SNRPN: variants seen among roughly 807,000 people sequenced by gnomAD.
SNRPN encodes the protein small nuclear ribonucleoprotein polypeptide N.
A neutral mutation model predicts 25.2 loss-of-function variants in SNRPN; 7 were observed. The observed-to-expected ratio is 0.28, with a 90% CI of 0.16 to 0.52. The LOEUF (loss-of-function observed/expected upper bound fraction) is 0.52, where lower values mean the gene tolerates loss of function less well. SNRPN is among the 20% of genes least tolerant of loss of function. The probability of loss-of-function intolerance (pLI) is 0.96; values close to 1 mark genes in which losing one functional copy is unlikely to be tolerated. For synonymous variants in SNRPN, 124 were observed against 110.6 expected (o/e 1.12, Z -0.76); for missense variants, 196 against 322.5 (o/e 0.61, Z 3.00).
At chr15:24,925,764 C>G (rs1437031808) in intron 3 of SNRPN, among the ~76,000 whole-genome samples, 1 of 148,854 alleles carries the variant, frequency 6.7e-6, no homozygotes, top group Non-Finnish European at 1.5e-5. Flanking sequence ...TTTTTTGAGA[C>G]AGAGTCTCGC....
At chr15:24,942,160 T>A (rs1207355650) in intron 3 of SNRPN, 2 of 152,216 alleles carry the variant, frequency 1.3e-5, no homozygotes, top group Non-Finnish European at 2.9e-5. Context: ...GAACTAAGAC[T>A]GCCAGACCAG....
At chr15:24,833,389 G>T (rs1488704317) in intron 2 of SNRPN, among the ~76,000 whole-genome samples, 1 of 152,014 alleles carries the variant, frequency 6.6e-6, no homozygotes, top group Non-Finnish European at 1.5e-5. Flanking sequence ...CAGAGCCTAG[G>T]ATAATTCCTC....
intron 2 of SNRPN, among the ~76,000 whole-genome samples, chr15:24,900,819 A>G (rs2058396239): frequency 1.3e-5 from 2 of 152,172 alleles, no homozygotes; most frequent in African/African-American, 4.8e-5. Context: ...ATTGTGCTGC[A>G]GGCATGTGGC....
intron 3 of SNRPN, among the ~76,000 whole-genome samples, chr15:24,923,903 G>GTATA (rs2060194196): frequency 8.7e-6 from 1 of 114,590 alleles, no homozygotes; most frequent in African/African-American, 3.6e-5. Flanking sequence ...GTGTGTGTGT[G>GTATA]TGTGTGTGTG....
chr15:24,871,251 C>A (rs938616401), intron 1 of SNRPN, among the ~76,000 whole-genome samples: 1 of 151,868 alleles, frequency 6.6e-6, no homozygotes, highest in Non-Finnish European at 1.5e-5. Flanking sequence ...TAAAGTTATG[C>A]AGGGTTTCAA....
Position 24,866,737 on chromosome 15 carries a change from A to T in SNRPN, c.-579+10021A>T, listed in dbSNP as rs72693662. Among the ~76,000 whole-genome samples, 763 of 152,094 alleles carry T rather than the reference A, an allele frequency of 5.0e-3. 7 individuals are homozygous for T. Among genetic ancestry groups the T allele is most frequent in the Middle Eastern group, 0.01 (3 of 294 alleles). On this transcript the variant is annotated intron_variant, in intron 1 of 11. Transcript: ENST00000400097. ...CTGGTAACTACCGTTCTACATCCCC[A>T]CTTGTATGAAATCACATTTTTTAGA...
chr15:24,848,018 C>T (rs1224303553), intron 2 of SNRPN, among the ~76,000 whole-genome samples: 1 of 151,858 alleles, frequency 6.6e-6, no homozygotes, highest in East Asian at 1.9e-4. Context: ...AAACGTTTTC[C>T]ACTCTGATGG....
intron 2 of SNRPN, among the ~76,000 whole-genome samples, chr15:24,888,839 A>G (rs2030062): frequency 0.2 from 30,396 of 152,206 alleles, 3,384 homozygotes; most frequent in Non-Finnish European, 0.22. Context: ...GAGAAGCAGC[A>G]AGTAAGTTCA....
At chr15:24,872,746 CG>C (rs1333771783) in intron 1 of SNRPN, among the ~76,000 whole-genome samples, 2 of 59,292 alleles carry the variant, frequency 3.4e-5, no homozygotes, top group Admixed American at 2.5e-4. Flanking sequence ...AACTCCGTCT[CG>C]AAAAAAAAAA....
chr15:24,926,003 G>A (rs11638959), intron 3 of SNRPN, among the ~76,000 whole-genome samples: 20,045 of 152,048 alleles, frequency 0.13, 1,571 homozygotes, highest in East Asian at 0.33. Flanking sequence ...CAAAGTGCTG[G>A]GATTACAGGC....
chr15:24,835,316 T>G (rs1412249534), intron 2 of SNRPN, among the ~76,000 whole-genome samples: 1 of 151,782 alleles, frequency 6.6e-6, no homozygotes, highest in Non-Finnish European at 1.5e-5. Context: ...ATTTGCTAGC[T>G]GTAGTAAATG....
intron 2 of SNRPN, among the ~76,000 whole-genome samples, chr15:24,902,465 G>A (rs61308826): frequency 1.7e-3 from 265 of 152,178 alleles, no homozygotes; most frequent in Middle Eastern, 0.01. Flanking sequence ...ATGAACAGAT[G>A]ATGAACTATT....
intron 3 of SNRPN, among the ~76,000 whole-genome samples, chr15:24,934,999 C>T (rs903199798): frequency 2.0e-5 from 3 of 152,158 alleles, no homozygotes; most frequent in African/African-American, 7.2e-5. Flanking sequence ...GTGCCGGGTT[C>T]AGTGGCTCAC....
chr15:24,875,309 T>C (rs2055744589), intron 1 of SNRPN, among the ~76,000 whole-genome samples: 2 of 152,216 alleles, frequency 1.3e-5, no homozygotes, highest in Admixed American at 6.5e-5. Flanking sequence ...AGCTTGACTT[T>C]GTCTGTCTCC....
At chr15:24,845,069 CCTTT>C (rs1170692830) in intron 2 of SNRPN, among the ~76,000 whole-genome samples, 1 of 152,076 alleles carries the variant, frequency 6.6e-6, no homozygotes. Flanking sequence ...CAAATACTCT[CCTTT>C]CTTCAATTCA....
intron 1 of SNRPN, among the ~76,000 whole-genome samples, chr15:24,857,961 C>T (rs1566832053): frequency 1.3e-5 from 2 of 151,998 alleles, no homozygotes; most frequent in East Asian, 1.9e-4. Context: ...TGTCCTCTTG[C>T]GCTGAGTCAG....
chr15:24,872,753 A>G (rs1469889738), intron 1 of SNRPN, among the ~76,000 whole-genome samples: 2 of 104,684 alleles, frequency 1.9e-5, no homozygotes. Flanking sequence ...TCTCGAAAAA[A>G]AAAAAAAAAA....
At chr15:24,914,102 G>A (rs527755016) in intron 2 of SNRPN, among the ~76,000 whole-genome samples, 1 of 152,302 alleles carries the variant, frequency 6.6e-6, no homozygotes, top group East Asian at 1.9e-4. Context: ...GGAGAGTGGG[G>A]AGGGAGAGGG....
At chr15:24,955,898 C>CT (rs1465222221) in intron 1 of SNRPN, among the ~76,000 whole-genome samples, 41 of 151,770 alleles carry the variant, frequency 2.7e-4, no homozygotes, top group African/African-American at 9.0e-4. Flanking sequence ...TCCGGAGTGA[C>CT]TAAGGGACGC....
Sources: gnomAD v4.1 joint callset for allele counts (sites outside exome capture counted in the v4.1 genomes callset) on GRCh38, gnomAD v4.1.1 for gene constraint, MANE v1.5 for transcripts, NCBI Gene and HGNC (gene_info 2026-07-23, HGNC 2026-07-21) for gene names.